TRAPPC9: variants seen among roughly 807,000 people sequenced by gnomAD.
TRAPPC9 encodes trafficking protein particle complex subunit 9, also known as IKK2 binding protein.
TRAPPC9 carries 83 observed loss-of-function variants against 124.0 expected under a neutral mutation model. The observed-to-expected ratio is 0.67, with a 90% CI of 0.56 to 0.80. The LOEUF is 0.80. TRAPPC9 is among the 30% of genes least tolerant of loss of function. The pLI is 0.00. For missense variants in TRAPPC9, 1,302 were observed against 1,508.3 expected (o/e 0.86, Z 2.27); for synonymous variants, 638 against 617.5 (o/e 1.03, Z -0.49).
At chr8:139,860,044 T>C (rs958487865) in intron 21 of TRAPPC9, among the ~76,000 whole-genome samples, 4 of 152,228 alleles carry the variant, frequency 2.6e-5, no homozygotes, top group Admixed American at 2.6e-4. Flanking sequence ...CTCACTGCAA[T>C]GTGAGCTTTG....
intron 18 of TRAPPC9, among the ~76,000 whole-genome samples, chr8:140,005,933 A>G (rs1587474538): frequency 6.7e-6 from 1 of 149,438 alleles, no homozygotes; most frequent in Admixed American, 6.7e-5. Flanking sequence ...AAGGAGGAGG[A>G]GGAGGAGGAG....
chr8:139,770,545 G>GT (rs1394229113), intron 21 of TRAPPC9, among the ~76,000 whole-genome samples: 1 of 152,210 alleles, frequency 6.6e-6, no homozygotes, highest in Non-Finnish European at 1.5e-5. Flanking sequence ...CTCCAGCTCT[G>GT]TGACATCGTG....
At chr8:140,381,335 C>G (rs2068601999) in intron 7 of TRAPPC9, among the ~76,000 whole-genome samples, 1 of 151,948 alleles carries the variant, frequency 6.6e-6, no homozygotes, top group South Asian at 2.1e-4. Flanking sequence ...TGAACTCTTA[C>G]AGCTAAATAA....
Position 140,007,069 on chromosome 8 carries a change from G to A in TRAPPC9, c.2699+16868C>T, listed in dbSNP as rs547708234. Among the ~76,000 whole-genome samples the A allele has an allele frequency of 2.0e-5, 3 of 152,276 alleles. No individual in the cohort carries two copies. The South Asian group carries it at 6.2e-4, about 32-fold the overall frequency. Reference sequence around the variant, plus strand: ...AAGCAGGGGCGCCCAGGAATTGGAGGAAGAGATCCACCAAACACACTCAAG... The same window carrying A: ...AAGCAGGGGCGCCCAGGAATTGGAGAAAGAGATCCACCAAACACACTCAAG... On this transcript the variant is annotated intron_variant, in intron 18 of 22. Transcript: ENST00000438773.
chr8:139,996,143 C>T (rs1442844159), intron 18 of TRAPPC9, among the ~76,000 whole-genome samples: 1 of 12,448 alleles, frequency 8.0e-5, no homozygotes, highest in Non-Finnish European at 1.9e-4. Flanking sequence ...AAAAAAAGAA[C>T]CAGAAAAACT....
At chr8:140,456,879 G>A in intron 1 of TRAPPC9, 1 of 980,656 alleles carries the variant, frequency 1.0e-6, no homozygotes, top group Non-Finnish European at 1.2e-6. Flanking sequence ...ATCCTAACAC[G>A]GGAAAACTTT....
rs147768241 is a variant in TRAPPC9 at position 139,782,646 on chromosome 8, C to T, written c.3056-50444G>A. On this transcript the variant is annotated intron_variant, in intron 21 of 22. Coordinates refer to ENST00000438773, the MANE Select transcript of TRAPPC9 (RefSeq NM_001160372.4). ...CAACTGAATATCTTGTTTCAATGATCGATACCAGCAAATAGAAAATCAGCC... is the reference window on the plus strand; with the variant it reads ...CAACTGAATATCTTGTTTCAATGATTGATACCAGCAAATAGAAAATCAGCC... Among the ~76,000 whole-genome samples the T allele has an allele frequency of 2.8e-3, 422 of 152,204 alleles. 1 individual carries two copies. Among genetic ancestry groups the T allele is most frequent in the Middle Eastern group, 6.8e-3 (2 of 294 alleles).
intron 21 of TRAPPC9, among the ~76,000 whole-genome samples, chr8:139,857,890 T>C (rs1201061361): frequency 1.3e-5 from 2 of 152,230 alleles, no homozygotes; most frequent in African/African-American, 2.4e-5. Context: ...AAGAGGCAGT[T>C]GTCCCCATCT....
At chr8:140,357,600 G>A (rs1367865396) in intron 9 of TRAPPC9, among the ~76,000 whole-genome samples, 2 of 152,020 alleles carry the variant, frequency 1.3e-5, no homozygotes, top group East Asian at 1.9e-4. Context: ...GGGGAGTAGG[G>A]GAGGTGGGCA....
chr8:140,285,688 C>T (rs542875554), intron 13 of TRAPPC9, among the ~76,000 whole-genome samples: 2 of 152,096 alleles, frequency 1.3e-5, no homozygotes, highest in South Asian at 2.1e-4. Flanking sequence ...CTGCCTGGAA[C>T]CCTCTTTCTG....
intron 17 of TRAPPC9, among the ~76,000 whole-genome samples, chr8:140,041,567 GC>G (rs759549843): frequency 6.6e-6 from 1 of 152,212 alleles, no homozygotes; most frequent in Non-Finnish European, 1.5e-5. Flanking sequence ...CCCTAGCCCT[GC>G]CCATCACCCA....
At chr8:139,837,084 TGTTA>T (rs1289385588) in intron 21 of TRAPPC9, among the ~76,000 whole-genome samples, 1 of 152,170 alleles carries the variant, frequency 6.6e-6, no homozygotes, top group Non-Finnish European at 1.5e-5. Flanking sequence ...GCACCGGTGG[TGTTA>T]GTTCAGGGAA....
At chr8:140,379,859 T>TA (rs981162922) in intron 7 of TRAPPC9, among the ~76,000 whole-genome samples, 1 of 152,158 alleles carries the variant, frequency 6.6e-6, no homozygotes, top group Non-Finnish European at 1.5e-5. Flanking sequence ...ACAGCCAAGA[T>TA]AAAAAATAAT....
intron 16 of TRAPPC9, among the ~76,000 whole-genome samples, chr8:140,233,388 T>C (rs962060200): frequency 6.6e-6 from 1 of 152,032 alleles, no homozygotes; most frequent in Non-Finnish European, 1.5e-5. Context: ...GTGTTTTTAG[T>C]AGAGACGGGG....
At chr8:140,229,547 T>C (rs1045710377) in intron 16 of TRAPPC9, among the ~76,000 whole-genome samples, 4 of 151,658 alleles carry the variant, frequency 2.6e-5, no homozygotes, top group African/African-American at 9.7e-5. Context: ...GAATTATATA[T>C]AGGTGTGAGC....
intron 8 of TRAPPC9, among the ~76,000 whole-genome samples, chr8:140,364,486 A>G (rs1489622759): frequency 2.0e-5 from 3 of 152,070 alleles, no homozygotes; most frequent in African/African-American, 4.8e-5. Flanking sequence ...CTCCTTCCCA[A>G]TTAAATTTCT....
At chr8:140,272,203 AGTGGTGAGGGTGGTGGTTGTGTTG>A (rs2064943202) in intron 15 of TRAPPC9, among the ~76,000 whole-genome samples, 3 of 74,014 alleles carry the variant, frequency 4.1e-5, no homozygotes, top group Non-Finnish European at 2.5e-5. Flanking sequence ...TGATGGTGGC[AGTGGTGAGGGTGGTGGTTGTGTTG>A]ATAGTGGTAG....
chr8:139,815,898 C>A (rs1268419979), intron 21 of TRAPPC9, among the ~76,000 whole-genome samples: 1 of 152,232 alleles, frequency 6.6e-6, no homozygotes, highest in Non-Finnish European at 1.5e-5. Context: ...CTCACTGACT[C>A]TTCACAGTCA....
chr8:140,183,011 ACT>A (rs1193278831), intron 17 of TRAPPC9, among the ~76,000 whole-genome samples: 1 of 151,378 alleles, frequency 6.6e-6, no homozygotes, highest in Non-Finnish European at 1.5e-5. Flanking sequence ...CTCACAGAAA[ACT>A]CTGCATTATT....
Sources: gnomAD v4.1 joint callset for allele counts (sites outside exome capture counted in the v4.1 genomes callset) on GRCh38, gnomAD v4.1.1 for gene constraint, MANE v1.5 for transcripts, NCBI Gene and HGNC (gene_info 2026-07-23, HGNC 2026-07-21) for gene names.